MME: variants seen among roughly 807,000 people sequenced by gnomAD.
MME encodes the protein neprilysin.
MME carries 98 observed loss-of-function variants against 113.2 expected under a neutral mutation model. The observed-to-expected ratio is 0.87, with a 90% CI of 0.74 to 1.02. MME has a LOEUF of 1.02. Among genes scored for constraint, MME ranks in the 50% least tolerant of loss-of-function variants. MME has a pLI of 0.00. For synonymous variants in MME, 292 were observed against 300.6 expected (o/e 0.97, Z 0.30); for missense variants, 836 against 896.0 (o/e 0.93, Z 0.86).
At chr3:155,036,198 A>C (rs1285798447) in intron 1 of MME, among the ~76,000 whole-genome samples, 1 of 152,210 alleles carries the variant, frequency 6.6e-6, no homozygotes, top group Non-Finnish European at 1.5e-5. Context: ...TTGTGAGAGC[A>C]GCATTTTCAG....
chr3:155,178,456 A>C (rs1440623770), intron 22 of MME, among the ~76,000 whole-genome samples: 1 of 152,190 alleles, frequency 6.6e-6, no homozygotes, highest in Non-Finnish European at 1.5e-5. Context: ...AACAAACAAC[A>C]GAAACACTAA....
At chr3:155,118,151 A>G (rs1232535947) in intron 7 of MME, among the ~76,000 whole-genome samples, 2 of 152,198 alleles carry the variant, frequency 1.3e-5, no homozygotes, top group Non-Finnish European at 2.9e-5. Flanking sequence ...ACCAAGGAGA[A>G]GTCGCCTCCA....
chr3:155,137,979 G>T, intron 8 of MME, 123 bp from the exon 9 acceptor site: 1 of 1,090,914 alleles, frequency 9.2e-7, no homozygotes, highest in Non-Finnish European at 1.4e-6. Context: ...ACTTAGAAAA[G>T]GATTTTTATT....
chr3:155,118,591 G>A (rs1356454481), intron 7 of MME, among the ~76,000 whole-genome samples, 155 bp from the exon 8 acceptor site: 1 of 152,116 alleles, frequency 6.6e-6, no homozygotes, highest in Non-Finnish European at 1.5e-5. Flanking sequence ...AGTGTAGAAA[G>A]CATTTCCTAA....
At chr3:155,149,414 A>T (rs1721757114) in intron 16 of MME, among the ~76,000 whole-genome samples, 2 of 152,104 alleles carry the variant, frequency 1.3e-5, no homozygotes, top group Non-Finnish European at 2.9e-5. Context: ...AAAATTAATG[A>T]GTGAGTGAGC....
intron 1 of MME, among the ~76,000 whole-genome samples, chr3:155,056,865 A>C (rs868153423): frequency 5.3e-5 from 8 of 152,330 alleles, no homozygotes; most frequent in Middle Eastern, 3.4e-3. Context: ...CTATTTAATA[A>C]ATGGTGTTGG....
At chr3:155,036,806 T>C (rs866023118) in intron 1 of MME, among the ~76,000 whole-genome samples, 2 of 152,142 alleles carry the variant, frequency 1.3e-5, no homozygotes, top group South Asian at 2.1e-4. Flanking sequence ...TTTTCAAAAA[T>C]TTTTTTACCT....
In MME at chr3:155,183,595, T is replaced by A. The variant is rs1182710443; in HGVS notation, c.*3136T>A. 1 of 152,194 alleles carries A rather than the reference T, an allele frequency of 6.6e-6. No homozygotes were observed. Among genetic ancestry groups the A allele is most frequent in the East Asian group, 1.9e-4 (1 of 5,194 alleles). The allele number at this position is 152,194 out of a possible 1,614,324, so 9.4% of individuals were successfully genotyped here. On this transcript the variant is annotated 3_prime_UTR_variant, in exon 23 of 23. Coordinates refer to ENST00000360490, the MANE Select transcript of MME (RefSeq NM_007289.4). ...CTGGAGCTCTCAAACTAAAAGACATTTGTTATTTTGGAAAGAAGAAAGACT... is the reference window on the plus strand; with the variant it reads ...CTGGAGCTCTCAAACTAAAAGACATATGTTATTTTGGAAAGAAGAAAGACT...
intron 1 of MME, among the ~76,000 whole-genome samples, chr3:155,049,480 G>A (rs1713681117): frequency 6.6e-6 from 1 of 152,024 alleles, no homozygotes; most frequent in South Asian, 2.1e-4. Context: ...AGTAGAGGCT[G>A]GAAGAATTTT....
At chr3:155,115,206 AT>A (rs1718500413) in intron 4 of MME, 51 bp downstream of exon 4, 3 of 1,587,666 alleles carry the variant, frequency 1.9e-6, no homozygotes, top group African/African-American at 2.7e-5. Context: ...TAATATGTTC[AT>A]TTTTTAAATA....
At chr3:155,122,221 T>A (rs1390282197) in intron 8 of MME, among the ~76,000 whole-genome samples, 2 of 152,052 alleles carry the variant, frequency 1.3e-5, no homozygotes, top group East Asian at 3.9e-4. Flanking sequence ...GTTTATAGTA[T>A]TCTCTGATGG....
chr3:155,143,307 C>T, intron 12 of MME, 136 bp from the exon 13 acceptor site: 1 of 1,001,386 alleles, frequency 1.0e-6, no homozygotes, highest in East Asian at 2.6e-5. Context: ...TCATCATAGG[C>T]TAGGAACATG....
chr3:155,115,820 TAAA>T (rs1718553243), intron 4 of MME, among the ~76,000 whole-genome samples: 5 of 152,198 alleles, frequency 3.3e-5, no homozygotes, highest in Admixed American at 1.3e-4. Flanking sequence ...AACCCTGTGT[TAAA>T]GTTACTGTAA....
intron 8 of MME, among the ~76,000 whole-genome samples, chr3:155,135,368 C>T (rs572124002): frequency 1.0e-3 from 150 of 146,358 alleles, no homozygotes; most frequent in Non-Finnish European, 1.7e-3. Context: ...AGCCAGTTAC[C>T]CTAGCACCAT....
intron 15 of MME, among the ~76,000 whole-genome samples, chr3:155,148,185 A>C (rs1350361830): frequency 2.6e-5 from 4 of 152,166 alleles, no homozygotes; most frequent in Non-Finnish European, 5.9e-5. Context: ...GAATTAAATG[A>C]GTATAATGTA....
intron 2 of MME, 90 bp downstream of exon 2, chr3:155,084,417 A>T (rs1715473302): frequency 7.5e-7 from 1 of 1,328,426 alleles, no homozygotes; most frequent in Non-Finnish European, 1.1e-6. Flanking sequence ...CGAATGTGTT[A>T]AGGATAGAGG....
At chr3:155,128,847 A>T (rs1719910916) in intron 8 of MME, among the ~76,000 whole-genome samples, 1 of 152,158 alleles carries the variant, frequency 6.6e-6, no homozygotes, top group Non-Finnish European at 1.5e-5. Flanking sequence ...CAAAAGAAAG[A>T]AGAACCCAAT....
intron 22 of MME, among the ~76,000 whole-genome samples, chr3:155,178,690 A>G (rs1201497054): frequency 6.6e-6 from 1 of 152,156 alleles, no homozygotes. Flanking sequence ...CAACTCCTTG[A>G]TATAAATGGT....
In MME at chr3:155,044,125, CTTTT is replaced by C. The variant is rs5853709; in HGVS notation, c.-11+19821_-11+19824del. The stretch of plus-strand genomic sequence containing the variant: ...TATGTTGAATATTTTCTTCCTTTTT[CTTTT>C]TTTTTTTTTTTTTTTTTTTGAGACA... On this transcript the variant is annotated intron_variant, in intron 1 of 22. Coordinates refer to the MME transcript ENST00000492661. Among the ~76,000 whole-genome samples the C allele has an allele frequency of 9.9e-3, 880 of 89,152 alleles. 5 individuals are homozygous for C. The highest frequency in any genetic ancestry group is 0.033 in the African/African-American group (799 of 23,966). The allele number at this position is 89,152 out of a possible 152,430, so 58.5% of individuals were successfully genotyped here. A position where few individuals can be genotyped will look rare whatever the true frequency, so the allele number is the denominator to read the frequency against.
Sources: gnomAD v4.1 joint callset for allele counts (sites outside exome capture counted in the v4.1 genomes callset) on GRCh38, gnomAD v4.1.1 for gene constraint, MANE v1.5 for transcripts, NCBI Gene and HGNC (gene_info 2026-07-23, HGNC 2026-07-21) for gene names.